Variants in LPIN2 observed in about 807,000 individuals in gnomAD.
LPIN2 encodes the protein lipin 2, also known as phosphatidate phosphatase LPIN2.
Under a neutral mutation model 111.4 loss-of-function variants are expected in LPIN2, and 55 were observed. The ratio of observed to expected loss-of-function variants is 0.49; its 90% CI spans 0.40 to 0.62. The LOEUF (loss-of-function observed/expected upper bound fraction) is 0.62, where lower values mean the gene tolerates loss of function less well. Ranked by LOEUF, LPIN2 falls within the 20% of genes least tolerant of loss-of-function variation. The pLI, the probability that LPIN2 is intolerant of heterozygous loss-of-function variation, is 0.00. For synonymous variants in LPIN2, 425 were observed against 414.0 expected, an observed-to-expected ratio of 1.03 and a Z score of -0.32; for missense variants, 992 against 1,112.1, an observed-to-expected ratio of 0.89 and a Z score of 1.54.
chr18:2,992,106 C>T (rs2078275098), intron 1 of LPIN2, among the ~76,000 whole-genome samples: 1 of 151,954 alleles, frequency 6.6e-6, no homozygotes, highest in Non-Finnish European at 1.5e-5. Context: ...GAACTGAAAA[C>T]AGACATTTGT....
intron 1 of LPIN2, among the ~76,000 whole-genome samples, chr18:2,971,771 G>C (rs1392973043): frequency 1.3e-5 from 2 of 151,172 alleles, no homozygotes; most frequent in Non-Finnish European, 2.9e-5. Context: ...AAACAGGCTG[G>C]GTGCGGTGGC....
intron 1 of LPIN2, among the ~76,000 whole-genome samples, chr18:2,973,439 C>T (rs1413129618): frequency 6.6e-6 from 1 of 152,222 alleles, no homozygotes; most frequent in Non-Finnish European, 1.5e-5. Flanking sequence ...TAGAACCATA[C>T]AGTATGTACC....
At chr18:3,006,823 C>T (rs866448086) in intron 1 of LPIN2, among the ~76,000 whole-genome samples, 3 of 148,214 alleles carry the variant, frequency 2.0e-5, no homozygotes, top group South Asian at 4.3e-4. Flanking sequence ...GGCGACAGAA[C>T]GAGACTCTGT....
Position 2,937,705 on chromosome 18 carries a change from C to A in LPIN2, c.1155G>T (p.Pro385=). The change falls in exon 7 of 20, where the codon CCG becomes CCT. Residue 385 remains proline, a synonymous_variant. Coordinates refer to ENST00000677752, the MANE Select transcript of LPIN2 (RefSeq NM_001375808.2). The part of the protein sequence containing the change: ...ESKPAAKVDS[P]SKKKGVHKRS... Reference sequence around the variant, plus strand: ...ACAAACGATTACCTTTCTTCTTTGACGGCGAGTCTACTTTAGCTGCCGGTT... The same window carrying A: ...ACAAACGATTACCTTTCTTCTTTGAAGGCGAGTCTACTTTAGCTGCCGGTT... 1 of 1,613,970 alleles carries A rather than the reference C, an allele frequency of 6.2e-7. No homozygotes were observed. The highest frequency in any genetic ancestry group is 2.2e-5 in the East Asian group (1 of 44,882).
intron 1 of LPIN2, among the ~76,000 whole-genome samples, chr18:2,996,768 C>T (rs1277750745): frequency 6.6e-6 from 1 of 152,002 alleles, no homozygotes; most frequent in Non-Finnish European, 1.5e-5. Context: ...TGAGCCACCA[C>T]GCTCGACCAA....
chr18:2,958,441 G>A (rs544108821), intron 2 of LPIN2, among the ~76,000 whole-genome samples: 45 of 152,000 alleles, frequency 3.0e-4, no homozygotes, highest in Non-Finnish European at 6.2e-4. Flanking sequence ...AAAATTTGGG[G>A]TCTTACTTTC....
Position 2,927,741 on chromosome 18 carries a change from C to T in LPIN2, c.1691G>A (p.Arg564Lys). 6.2e-7 allele frequency: 1 copy of T among 1,614,228 alleles called. No individual in the cohort carries two copies. The highest frequency in any genetic ancestry group is 8.5e-7 in the Non-Finnish European group (1 of 1,180,036). Reference protein sequence around the residue: ...KSGRWWFWRKRESMTKQLPES... With the variant: ...KSGRWWFWRKKESMTKQLPES... ...TGTTACCTGTTTGGTCATGCTTTCTCTCTTTCGCCAAAACCACCAGCGACC... is the reference window on the plus strand; with the variant it reads ...TGTTACCTGTTTGGTCATGCTTTCTTTCTTTCGCCAAAACCACCAGCGACC... Residue 564 changes from arginine to lysine, a missense_variant, in exon 12 of 20, where the codon AGA becomes AAA. Coordinates refer to ENST00000677752, the MANE Select transcript of LPIN2 (RefSeq NM_001375808.2).
chr18:3,002,327 G>C (rs187033199), intron 1 of LPIN2, among the ~76,000 whole-genome samples: 1 of 148,930 alleles, frequency 6.7e-6, no homozygotes, highest in East Asian at 2.0e-4. Flanking sequence ...ATTTCATGTA[G>C]TTTTATAAGC....
intron 1 of LPIN2, among the ~76,000 whole-genome samples, chr18:3,007,605 C>A (rs1429517787): frequency 2.0e-5 from 3 of 152,118 alleles, no homozygotes; most frequent in Non-Finnish European, 4.4e-5. Context: ...TATATTATAT[C>A]CCCTATAATG....
chr18:2,977,087 G>A (rs1477850503), intron 1 of LPIN2: 2 of 151,910 alleles, frequency 1.3e-5, no homozygotes, highest in East Asian at 3.9e-4. Context: ...ACGTACCTGA[G>A]GTCCTAGCTC....
At chr18:2,927,903 G>T in intron 11 of LPIN2, 92 bp from the exon 12 acceptor site, 1 of 1,042,744 alleles carries the variant, frequency 9.6e-7, no homozygotes. Context: ...GCCTTACTAT[G>T]GAATGTGAGA....
At chr18:2,997,170 C>T (rs111883645) in intron 1 of LPIN2, among the ~76,000 whole-genome samples, 1,704 of 152,140 alleles carry the variant, frequency 0.011, 30 homozygotes, top group African/African-American at 0.038. Context: ...TTAGTAGAAA[C>T]GGGGTTTTGC....
At chr18:2,921,842 C>T (rs529654792) in intron 17 of LPIN2, among the ~76,000 whole-genome samples, 195 bp from the exon 18 acceptor site, 15 of 152,394 alleles carry the variant, frequency 9.8e-5, no homozygotes, top group Middle Eastern at 6.8e-3. Context: ...GAAAACTTGA[C>T]GGTTCCTAGA....
intron 4 of LPIN2, chr18:2,945,717 A>C (rs2077440727): frequency 4.0e-6 from 5 of 1,254,336 alleles, no homozygotes; most frequent in Non-Finnish European, 5.9e-6. Flanking sequence ...ATTTTGATCA[A>C]ATTCCTTCTC....
chr18:2,973,169 G>T (rs1044657466), intron 1 of LPIN2, among the ~76,000 whole-genome samples: 1 of 151,820 alleles, frequency 6.6e-6, no homozygotes, highest in Non-Finnish European at 1.5e-5. Context: ...GCTGTACCTT[G>T]AACTATTCAA....
chr18:2,931,139 C>A, intron 9 of LPIN2, 117 bp downstream of exon 9: 4 of 1,205,512 alleles, frequency 3.3e-6, no homozygotes, highest in Middle Eastern at 2.0e-4. Context: ...ATACCTGTTA[C>A]CTGCACAAGA....
intron 6 of LPIN2, 127 bp downstream of exon 6, chr18:2,939,353 C>T: frequency 9.0e-7 from 1 of 1,112,742 alleles, no homozygotes; most frequent in Non-Finnish European, 1.4e-6. Context: ...ACTTTTATGA[C>T]ATGAGGGCAC....
intron 1 of LPIN2, among the ~76,000 whole-genome samples, chr18:2,991,537 CCT>C (rs1357739141): frequency 6.6e-6 from 1 of 151,894 alleles, no homozygotes; most frequent in Non-Finnish European, 1.5e-5. Flanking sequence ...ATAGTGAGAC[CCT>C]GTTTCTACAA....
chr18:2,934,627 G>T (rs1046174157), intron 7 of LPIN2, among the ~76,000 whole-genome samples, 177 bp from the exon 8 acceptor site: 1 of 152,192 alleles, frequency 6.6e-6, no homozygotes, highest in African/African-American at 2.4e-5. Context: ...CATGCCAATA[G>T]AAGAGAAGTT....
Sources: gnomAD v4.1 joint callset for allele counts (sites outside exome capture counted in the v4.1 genomes callset) on GRCh38, gnomAD v4.1.1 for gene constraint, MANE v1.5 for transcripts, NCBI Gene and HGNC (gene_info 2026-07-23, HGNC 2026-07-21) for gene names.